Variants in LCORL observed in about 807,000 individuals in gnomAD.
LCORL encodes the protein ligand-dependent nuclear receptor corepressor-like protein.
In LCORL, 41 loss-of-function variants were observed where a neutral mutation model predicts 141.8. The observed-to-expected ratio is 0.29, with a 90% CI of 0.23 to 0.38. The LOEUF (loss-of-function observed/expected upper bound fraction) is 0.38, where lower values mean the gene tolerates loss of function less well. Among genes scored for constraint, LCORL ranks in the 10% least tolerant of loss-of-function variants. The probability of loss-of-function intolerance (pLI) is 1.00; values close to 1 mark genes in which losing one functional copy is unlikely to be tolerated. For synonymous variants in LCORL, 618 were observed against 694.1 expected, an observed-to-expected ratio of 0.89 and a Z score of 1.72; for missense variants, 1,759 against 2,035.0, an observed-to-expected ratio of 0.86 and a Z score of 2.61.
intron 1 of LCORL, among the ~76,000 whole-genome samples, chr4:17,992,596 T>C (rs188222730): frequency 3.9e-5 from 6 of 152,316 alleles, no homozygotes; most frequent in African/African-American, 1.4e-4. Flanking sequence ...GATTCTTGAG[T>C]TGCTAGATTC....
chr4:17,957,398 C>A (rs1170407370), intron 4 of LCORL, among the ~76,000 whole-genome samples: 2 of 151,770 alleles, frequency 1.3e-5, no homozygotes, highest in Admixed American at 1.3e-4. Flanking sequence ...TCAATTAGAG[C>A]AATAAAGAAA....
chr4:18,014,569 A>G (rs12506047), intron 1 of LCORL, among the ~76,000 whole-genome samples: 37,040 of 152,032 alleles, frequency 0.24, 5,879 homozygotes, highest in African/African-American at 0.45. Context: ...GAAAAGTAAG[A>G]CGCAAATGTA....
intron 4 of LCORL, among the ~76,000 whole-genome samples, chr4:17,924,950 G>A (rs1050557316): frequency 3.9e-5 from 6 of 152,130 alleles, no homozygotes; most frequent in African/African-American, 7.2e-5. Context: ...CAGGATTCAC[G>A]GGTCCAGGAG....
chr4:17,917,161 C>A (rs530021696), intron 4 of LCORL, among the ~76,000 whole-genome samples: 1 of 151,486 alleles, frequency 6.6e-6, no homozygotes, highest in African/African-American at 2.4e-5. Context: ...TTTTAGTAGA[C>A]GGGGTTTCAC....
intron 1 of LCORL, among the ~76,000 whole-genome samples, chr4:17,992,907 G>A: frequency 6.6e-6 from 1 of 152,170 alleles, no homozygotes; most frequent in South Asian, 2.1e-4. Context: ...AAGACATTAA[G>A]ACAAAAAGTA....
intron 1 of LCORL, chr4:18,020,623 C>G (rs901986496): frequency 2.0e-5 from 3 of 150,972 alleles, no homozygotes; most frequent in African/African-American, 7.3e-5. Context: ...CCATTCCTGT[C>G]ACCCTAAACA....
intron 1 of LCORL, among the ~76,000 whole-genome samples, chr4:18,012,284 A>T (rs1297110240): frequency 1.3e-5 from 2 of 152,148 alleles, no homozygotes; most frequent in African/African-American, 4.8e-5. Flanking sequence ...TGGTAAACTC[A>T]CTAGGGTACA....
chr4:17,961,240 C>T (rs900172657), intron 4 of LCORL, among the ~76,000 whole-genome samples: 2 of 152,018 alleles, frequency 1.3e-5, no homozygotes, highest in Non-Finnish European at 1.5e-5. Flanking sequence ...ACTGTGGGAA[C>T]AGCCAAGAAC....
chr4:17,912,963 A>T, intron 4 of LCORL: 1 of 454,366 alleles, frequency 2.2e-6, no homozygotes, highest in Non-Finnish European at 4.3e-6. Context: ...GTGACACCAA[A>T]GTTCTAAAAC....
At position 18,021,827 on chromosome 4, in the gene LCORL, G is replaced by C. The variant is rs1032811035; in HGVS notation, c.-76C>G. 4.0e-5 allele frequency: 54 copies of C among 1,350,436 alleles called. No homozygotes were observed. The highest frequency in any genetic ancestry group is 1.8e-4 in the African/African-American group (12 of 64,972). 83.7% of individuals were successfully genotyped at this position (1,350,436 alleles called of 1,614,324 possible). ...AGGCAGGGGCGCGAGCCCTCGGCGC[G>C]AGCCCCGGAGCGCGCGCCCCCCGGA... On this transcript the variant is annotated 5_prime_UTR_variant, in exon 1 of 8. Transcript: ENST00000635767. This position sits in a 1 kb window ranked among gnomAD's most constrained non-coding sequence, Gnocchi z 5.5.
chr4:17,847,523 T>C (rs1723075172), intron 7 of LCORL, among the ~76,000 whole-genome samples: 1 of 152,172 alleles, frequency 6.6e-6, no homozygotes, highest in African/African-American at 2.4e-5. Context: ...CTAGACAAAA[T>C]GACAAACTAC....
chr4:17,961,830 CTT>C, intron 4 of LCORL, 71 bp downstream of exon 4: 2 of 1,362,528 alleles, frequency 1.5e-6, no homozygotes, highest in Non-Finnish European at 2.0e-6. Context: ...ATATAAAAAA[CTT>C]TTGTGTAAAA....
At chr4:17,843,384 A>AAACTT (rs768523477) in exon 8 of LCORL, 89 of 1,611,976 alleles carry the variant, frequency 5.5e-5, no homozygotes, top group East Asian at 2.5e-4. Flanking sequence ...AGAAAAAAGT[A>AAACTT]AACTTAACCT....
rs1394670855 is a variant in LCORL, at chr4:17,902,431, T to TA, written c.682+6662_682+6663insT. Among the ~76,000 whole-genome samples, 35 of 151,920 alleles carry TA rather than the reference T, an allele frequency of 2.3e-4. 2 individuals are homozygous for TA. The South Asian group carries it at 6.7e-3, about 29-fold the overall frequency. On this transcript the variant is annotated intron_variant, in intron 5 of 7. Coordinates refer to ENST00000635767, the Ensembl canonical transcript of LCORL. ...ATGGAATATAACATTTTCTTCCACA[T>TA]GTTTTTAGCCACAGAAAACAAAAGC... is the stretch of plus-strand genomic sequence containing the variant.
At chr4:18,019,336 C>CAATA (rs917517973) in intron 1 of LCORL, among the ~76,000 whole-genome samples, 4 of 152,106 alleles carry the variant, frequency 2.6e-5, no homozygotes, top group Admixed American at 6.5e-5. Context: ...GACTCCATCT[C>CAATA]AATAAATAAA....
intron 1 of LCORL, among the ~76,000 whole-genome samples, chr4:17,975,060 A>G (rs1716688907): frequency 6.6e-6 from 1 of 151,484 alleles, no homozygotes. Context: ...TTGATCACTC[A>G]TTTTCTATGT....
At chr4:18,007,218 T>C (rs1379664741) in intron 1 of LCORL, among the ~76,000 whole-genome samples, 2 of 152,224 alleles carry the variant, frequency 1.3e-5, no homozygotes, top group African/African-American at 4.8e-5. Context: ...AGTGAGTTAA[T>C]TGCCTTATCT....
chr4:17,977,230 A>G (rs1717150572), intron 1 of LCORL, among the ~76,000 whole-genome samples: 1 of 152,168 alleles, frequency 6.6e-6, no homozygotes, highest in Non-Finnish European at 1.5e-5. Flanking sequence ...TGGTGGATAT[A>G]CGTTTTCATT....
chr4:17,841,296 C>T (rs1337724485), exon 8 of LCORL: 1 of 151,958 alleles, frequency 6.6e-6, no homozygotes, highest in Non-Finnish European at 1.5e-5. Context: ...ATAAGGAACA[C>T]TAATAATCCC....
Sources: gnomAD v4.1 joint callset for allele counts (sites outside exome capture counted in the v4.1 genomes callset) on GRCh38, gnomAD v4.1.1 for gene constraint, Gnocchi (gnomAD v3.1) non-coding constraint, MANE v1.5 for transcripts, NCBI Gene and HGNC (gene_info 2026-07-23, HGNC 2026-07-21) for gene names.